The following RCC1 variants were observed in gnomAD, a reference collection of about 807,000 sequenced individuals.
RCC1 encodes the protein regulator of chromosome condensation 1, also known as regulator of chromosome condensation.
Under a neutral mutation model 44.4 loss-of-function variants are expected in RCC1, and 11 were observed. The observed-to-expected ratio is 0.25, with a 90% CI of 0.16 to 0.41. RCC1 has a LOEUF of 0.41. Ranked by LOEUF, RCC1 falls within the 10% of genes least tolerant of loss-of-function variation. RCC1 has a pLI of 1.00. For synonymous variants in RCC1, 213 were observed against 216.5 expected, an observed-to-expected ratio of 0.98 and a Z score of 0.14; for missense variants, 386 against 547.1, an observed-to-expected ratio of 0.71 and a Z score of 2.94.
intron 1 of RCC1, chr1:28,507,286 TTGTTTAAGATC>T: frequency 2.0e-6 from 1 of 492,762 alleles, no homozygotes; most frequent in South Asian, 1.4e-5. Flanking sequence ...GTTTGCTTTC[TTGTTTAAGATC>T]TGTAGTAACA....
intron 5 of RCC1, among the ~76,000 whole-genome samples, chr1:28,530,176 A>C (rs1431291668): frequency 7.0e-6 from 1 of 142,128 alleles, no homozygotes; most frequent in Non-Finnish European, 1.6e-5. Context: ...AAAAAAAAAA[A>C]CTAGACCCTA....
chr1:28,530,814 C>G (rs548757014), intron 5 of RCC1, among the ~76,000 whole-genome samples: 52 of 152,318 alleles, frequency 3.4e-4, no homozygotes, highest in Non-Finnish European at 4.0e-4. Context: ...TCCTGCCTCT[C>G]CACTGGATGG....
intron 3 of RCC1, chr1:28,510,927 C>G (rs559206436): frequency 6.6e-6 from 1 of 152,318 alleles, no homozygotes; most frequent in African/African-American, 2.4e-5. Flanking sequence ...TCCATATACT[C>G]AGGTGGGTTT....
chr1:28,508,404 A>G, intron 2 of RCC1: 1 of 366,296 alleles, frequency 2.7e-6, no homozygotes, highest in South Asian at 2.0e-5. Flanking sequence ...AAAAGTGCAA[A>G]GTAGTAAAAG....
chr1:28,509,340 C>G (rs1487626582), intron 3 of RCC1: 3 of 171,170 alleles, frequency 1.8e-5, no homozygotes, highest in African/African-American at 7.2e-5. Flanking sequence ...CTCCCAGGTT[C>G]AGGCGATTCT....
rs574922680 is a variant in RCC1, at chr1:28,506,221, C to G, written c.-262+137C>G. ...ATTTACTTTTTTTTTTTTTTTGAGACGGAGTCGGTTTGTCACTCAGGCTGG... is the reference window on the plus strand; with the variant it reads ...ATTTACTTTTTTTTTTTTTTTGAGAGGGAGTCGGTTTGTCACTCAGGCTGG... On this transcript the variant is annotated intron_variant, in intron 1 of 12. Coordinates refer to ENST00000683442, the MANE Select transcript of RCC1 (RefSeq NM_001381865.2). 9 of 423,790 alleles carry G rather than the reference C, an allele frequency of 2.1e-5. No homozygotes were observed. The Middle Eastern group carries it at 3.4e-3, about 162-fold the overall frequency. The allele number at this position is 423,790 out of a possible 1,614,324, so 26.3% of individuals were successfully genotyped here.
intron 1 of RCC1, 156 bp downstream of exon 1, chr1:28,506,240 A>G: frequency 4.6e-6 from 2 of 436,620 alleles, no homozygotes; most frequent in South Asian, 1.6e-5. Context: ...TTTGTCACTC[A>G]GGCTGGACTG....
At chr1:28,513,065 G>A (rs564360853) in intron 3 of RCC1, among the ~76,000 whole-genome samples, 27 of 150,010 alleles carry the variant, frequency 1.8e-4, no homozygotes, top group African/African-American at 6.1e-4. Context: ...GAGCCACCGC[G>A]CCCAGCCTCT....
Position 28,535,267 on chromosome 1 carries a change from A to G in RCC1, c.548A>G (p.His183Arg), listed in dbSNP as rs769197596. ...ACCTTTTCATCCTTAGGAAACGACCACTTGGTGATGCTGACAGCTGATGGT... is the reference window on the plus strand; with the variant it reads ...ACCTTTTCATCCTTAGGAAACGACCGCTTGGTGATGCTGACAGCTGATGGT... ...PVVKVASGND[H>R]LVMLTADGDL... Residue 183 changes from histidine (H) to arginine (R), a missense_variant, in exon 9 of 13, where the codon CAC (histidine) becomes CGC (arginine). Physicochemically the swap from His to Arg is conservative, Grantham distance 29. Coordinates refer to ENST00000683442, the MANE Select transcript of RCC1 (RefSeq NM_001381865.2). 6.2e-7 allele frequency: 1 copy of G among 1,614,136 alleles called. No individual in the cohort carries two copies. The highest frequency in any genetic ancestry group is 8.5e-7 in the Non-Finnish European group (1 of 1,180,018).
At chr1:28,514,364 G>T (rs1176103540) in intron 3 of RCC1, among the ~76,000 whole-genome samples, 7 of 150,668 alleles carry the variant, frequency 4.6e-5, no homozygotes, top group Non-Finnish European at 1.0e-4. Context: ...GCAGGAGAAT[G>T]GCATGAACCC....
At chr1:28,525,035 CTCCCCGAGTGAGCAGT>C (rs1423247963) in intron 4 of RCC1, among the ~76,000 whole-genome samples, 3 of 152,094 alleles carry the variant, frequency 2.0e-5, no homozygotes, top group Admixed American at 6.6e-5. Context: ...AAAAACTGAG[CTCCCCGAGTGAGCAGT>C]TCCTGTCCCT....
intron 3 of RCC1, chr1:28,509,876 T>G (rs1278404514): frequency 6.6e-6 from 1 of 152,234 alleles, no homozygotes; most frequent in Non-Finnish European, 1.5e-5. Context: ...TTCTTTAGCT[T>G]CCTGCAGTGT....
intron 9 of RCC1, 160 bp downstream of exon 9, chr1:28,535,540 A>G (rs1664493988): frequency 9.1e-7 from 1 of 1,094,280 alleles, no homozygotes; most frequent in African/African-American, 1.5e-5. Context: ...TTTGCCACCT[A>G]CTGTCTATGG....
chr1:28,506,073 T>C lies in RCC1; in HGVS notation c.-273T>C. On this transcript the variant is annotated 5_prime_UTR_variant, in exon 1 of 13. Transcript: ENST00000683442. ...TTGGAGACAGATTCGCAGTGGTCGC[T>C]TCTTCTCCTTGGTAAGTGTGATCCT... 1 of 456,072 alleles carries C rather than the reference T, an allele frequency of 2.2e-6. No individual in the cohort carries two copies. Among genetic ancestry groups the C allele is most frequent in the Middle Eastern group, 3.3e-4 (1 of 3,070 alleles). 28.3% of individuals were successfully genotyped at this position (456,072 alleles called of 1,614,324 possible).
intron 4 of RCC1, chr1:28,518,493 C>T (rs1299651705): frequency 1.3e-5 from 2 of 150,048 alleles, no homozygotes; most frequent in East Asian, 2.0e-4. Context: ...GATTCCCCGG[C>T]CCCGCGGGGC....
In RCC1 at chr1:28,506,104, A is replaced by G. The variant is rs1182676147; in HGVS notation, c.-262+20A>G. The G allele has an allele frequency of 2.2e-6, 1 of 455,616 alleles. No homozygotes were observed. Among genetic ancestry groups the G allele is most frequent in the South Asian group, 1.5e-5 (1 of 64,544 alleles). 28.2% of individuals were successfully genotyped at this position (455,616 alleles called of 1,614,324 possible). A position where few individuals can be genotyped will look rare whatever the true frequency, so the allele number is the denominator to read the frequency against. On this transcript the variant is annotated intron_variant, in intron 1 of 12. Coordinates refer to ENST00000683442, the MANE Select transcript of RCC1 (RefSeq NM_001381865.2). Reference sequence around the variant, plus strand: ...TCCTTGGTAAGTGTGATCCTTGGTAAGTGTGATCAGATGCTTGCCACCGGA... The same window carrying G: ...TCCTTGGTAAGTGTGATCCTTGGTAGGTGTGATCAGATGCTTGCCACCGGA...
chr1:28,536,799 G>A lies in RCC1; in HGVS notation c.990G>A (p.Glu330=), dbSNP rs1366081056. Residue 330 remains glutamate (E), a synonymous_variant, in exon 12 of 13, where the codon GAG becomes GAA. Transcript: ENST00000683442. The surrounding 1 kb of genome is among the most constrained non-coding windows in gnomAD (Gnocchi z 4.9). ...AGTATGGGCGGCTGGGCCTTGGAGA[G>A]GGTGCTGAGGAGAAGAGCATACCCA... ...RAEYGRLGLG[E]GAEEKSIPTL... is the part of the protein sequence containing the mutation. 6.2e-7 allele frequency: 1 copy of A among 1,614,010 alleles called. No homozygotes were observed. The highest frequency in any genetic ancestry group is 1.3e-5 in the African/African-American group (1 of 74,932).
At chr1:28,512,130 C>T (rs549772318) in intron 3 of RCC1, among the ~76,000 whole-genome samples, 2 of 151,442 alleles carry the variant, frequency 1.3e-5, no homozygotes, top group African/African-American at 4.9e-5. Context: ...GCCTGCACCG[C>T]ACCCGGCTAA....
intron 3 of RCC1, among the ~76,000 whole-genome samples, chr1:28,513,587 T>G (rs1335220712): frequency 6.7e-6 from 1 of 149,284 alleles, no homozygotes; most frequent in Non-Finnish European, 1.5e-5. Context: ...GCTATTTACT[T>G]TTTTTTTTTA....
Sources: allele counts gnomAD v4.1 joint callset (sites outside exome capture counted in the v4.1 genomes callset), GRCh38; gene constraint gnomAD v4.1.1; non-coding constraint Gnocchi (gnomAD v3.1); transcripts MANE v1.5; gene names NCBI Gene and HGNC (gene_info 2026-07-23, HGNC 2026-07-21).